NME6: variants seen among roughly 807,000 people sequenced by gnomAD.
NME6 encodes the protein nucleoside diphosphate kinase 6, mitochondrial.
Under a neutral mutation model 22.2 loss-of-function variants are expected in NME6, and 16 were observed. The ratio of observed to expected loss-of-function variants is 0.72; its 90% CI spans 0.49 to 1.09. NME6 has a LOEUF of 1.09. Among genes scored for constraint, NME6 ranks in the 50% least tolerant of loss-of-function variants. The pLI is 0.00. For synonymous variants in NME6, 58 were observed against 85.2 expected, an observed-to-expected ratio of 0.68 and a Z score of 1.76; for missense variants, 229 against 239.0, an observed-to-expected ratio of 0.96 and a Z score of 0.28.
At chr3:48,295,521 G>A (rs2034991946) in intron 4 of NME6, 1 of 388,848 alleles carries the variant, frequency 2.6e-6, no homozygotes, top group Non-Finnish European at 4.6e-6. Flanking sequence ...CCAAACCCGT[G>A]TTTCTTCAGA....
At chr3:48,291,271 T>C (rs2034439080), downstream of NME6, 4 of 401,368 alleles carry the variant, frequency 1.0e-5, no homozygotes, top group Non-Finnish European at 1.9e-5. Flanking sequence ...GCTGGGATAT[T>C]TCTTTTCTTT....
Position 48,300,419 on chromosome 3 carries a change from C to T in NME6, c.-8+934G>A, listed in dbSNP as rs919963359. On this transcript the variant is annotated intron_variant, in intron 1 of 5. Transcript: ENST00000442597. ...GTCCTGAATGTGCTTTCTCTGGTTG[C>T]CTCCTGCCCACCTTAGTGATCTTAG... The T allele has an allele frequency of 4.0e-5, 18 of 446,144 alleles. No individual in the cohort carries two copies. In the Admixed American group the frequency reaches 4.5e-4, roughly 11 times the overall value. 27.6% of individuals were successfully genotyped at this position (446,144 alleles called of 1,614,324 possible).
intron 5 of NME6, 21 bp downstream of exon 5, chr3:48,295,054 G>A (rs761015906): frequency 1.2e-6 from 2 of 1,607,816 alleles, no homozygotes; most frequent in Non-Finnish European, 1.7e-6. Context: ...AATATCCTAT[G>A]GCTATGGACA....
At chr3:48,297,746 TGTGAA>T (rs1159915074) in intron 2 of NME6, 5 of 153,100 alleles carry the variant, frequency 3.3e-5, no homozygotes, top group Non-Finnish European at 7.3e-5. Flanking sequence ...GGATTAGAAT[TGTGAA>T]GGCTTCTCAA....
At chr3:48,298,082 C>A in intron 2 of NME6, 1 of 315,920 alleles carries the variant, frequency 3.2e-6, no homozygotes, top group South Asian at 2.6e-5. Context: ...AACAACTCAG[C>A]CAAGCCTACT....
chr3:48,301,291 C>A (rs1328976428), intron 1 of NME6, 62 bp downstream of exon 1: 1 of 1,599,022 alleles, frequency 6.3e-7, no homozygotes, highest in African/African-American at 1.3e-5. Flanking sequence ...GGGGCCTAAG[C>A]CCACCCCAGA....
downstream of NME6, among the ~76,000 whole-genome samples, chr3:48,288,322 C>T (rs2106868175): frequency 2.0e-5 from 3 of 148,918 alleles, no homozygotes; most frequent in Middle Eastern, 6.9e-3. Context: ...TGGCAGTGAG[C>T]AGAGATCACG....
At chr3:48,301,178 C>T in intron 1 of NME6, 175 bp downstream of exon 1, 5 of 1,308,400 alleles carry the variant, frequency 3.8e-6, no homozygotes, top group African/African-American at 3.0e-5. Context: ...GCCCCTACCC[C>T]CGTGGCCACG....
Position 48,295,055 on chromosome 3 carries a change from G to T in NME6, c.394+20C>A. On this transcript the variant is annotated intron_variant, in intron 5 of 5. Coordinates refer to ENST00000442597, the MANE Select transcript of NME6 (RefSeq NM_001308426.2). ...CCCGCTAACCCCAAAATATCCTATG[G>T]CTATGGACAGGGGACTCACCCGAAC... 1 of 1,611,008 alleles carries T rather than the reference G, an allele frequency of 6.2e-7. No individual in the cohort carries two copies. The highest frequency in any genetic ancestry group is 8.5e-7 in the Non-Finnish European group (1 of 1,177,978).
chr3:48,295,994 G>A (rs1313593435), intron 4 of NME6, 125 bp downstream of exon 4: 1 of 765,630 alleles, frequency 1.3e-6, no homozygotes, highest in Non-Finnish European at 2.3e-6. Flanking sequence ...TGGGATTACA[G>A]GCATGAGCCA....
downstream of NME6, among the ~76,000 whole-genome samples, chr3:48,288,997 C>T (rs967844534): frequency 1.3e-5 from 2 of 151,930 alleles, no homozygotes; most frequent in South Asian, 2.1e-4. Flanking sequence ...GGGGGAGTGC[C>T]GGTCTTAGTA....
rs2035150478 is a variant in NME6 at position 48,296,763 on chromosome 3, T to C, written c.157A>G (p.Lys53Glu). 2 of 1,613,714 alleles carry C rather than the reference T, an allele frequency of 1.2e-6. No individual in the cohort carries two copies. Among genetic ancestry groups the C allele is most frequent in the African/African-American group, 1.3e-5 (1 of 74,912 alleles). ...CGGTAAAACCTCTGGCAATCTTCCT[T>C]TCTCCACAGTAGTTCTCTCATTCGT... The part of the protein sequence containing the change: ...IVRMRELLWR[K>E]EDCQRFYREH... Residue 53 changes from lysine to glutamate, a missense_variant, in exon 3 of 6, where the codon AAG (lysine) becomes GAG (glutamate). By Grantham distance (56) the Lys-to-Glu change is moderately conservative. Coordinates refer to ENST00000442597, the MANE Select transcript of NME6 (RefSeq NM_001308426.2).
intron 3 of NME6, 87 bp from the exon 4 acceptor site, chr3:48,296,245 A>G: frequency 1.3e-6 from 2 of 1,584,194 alleles, no homozygotes; most frequent in Non-Finnish European, 1.7e-6. Flanking sequence ...ACCTAGAATA[A>G]TAAAAATTGT....
intron 1 of NME6, chr3:48,299,067 G>T: frequency 1.5e-6 from 1 of 685,988 alleles, no homozygotes; most frequent in South Asian, 1.5e-5. Context: ...ATTATGGAGA[G>T]ATCAGGATCT....
chr3:48,291,688 T>C (rs2034486760), downstream of NME6: 1 of 153,688 alleles, frequency 6.5e-6, no homozygotes, highest in Non-Finnish European at 1.4e-5. Flanking sequence ...CCCAGCCTAT[T>C]TTTAGTTTTT....
intron 4 of NME6, 21 bp downstream of exon 4, chr3:48,296,098 C>T (rs1302953530): frequency 6.5e-7 from 1 of 1,537,130 alleles, no homozygotes; most frequent in Non-Finnish European, 9.0e-7. Flanking sequence ...GATAAAGATG[C>T]TGGAACCAAA....
rs2034773291 is a variant in NME6 at position 48,293,995 on chromosome 3, T to C, written c.*642A>G. 1 of 152,284 alleles carries C rather than the reference T, an allele frequency of 6.6e-6. No individual in the cohort carries two copies. The highest frequency in any genetic ancestry group is 2.1e-4 in the South Asian group (1 of 4,830). The allele number at this position is 152,284 out of a possible 1,614,324, so 9.4% of individuals were successfully genotyped here. ...CCCCTAAATGTGGCAGCATAAAGGA[T>C]TCAGGAGAACACTGACTTTTATTGA... On this transcript the variant is annotated 3_prime_UTR_variant, in exon 6 of 6. Transcript: ENST00000442597.
At chr3:48,300,608 G>C (rs2035588585) in intron 1 of NME6, 2 of 296,192 alleles carry the variant, frequency 6.8e-6, no homozygotes, top group Middle Eastern at 1.2e-3. Flanking sequence ...CAGGCTGCTA[G>C]GGGTTCTCGT....
chr3:48,294,959 CA>C, intron 5 of NME6, 115 bp downstream of exon 5: 2 of 1,448,404 alleles, frequency 1.4e-6, no homozygotes, highest in Non-Finnish European at 1.9e-6. Context: ...AACATGGCTA[CA>C]AAGACCAGAA....
Sources: allele counts gnomAD v4.1 joint callset (sites outside exome capture counted in the v4.1 genomes callset), GRCh38; gene constraint gnomAD v4.1.1; transcripts MANE v1.5; gene names NCBI Gene and HGNC (gene_info 2026-07-23, HGNC 2026-07-21).